Variants in NMRAL1 observed in about 807,000 individuals in gnomAD.
NMRAL1 encodes the protein nmrA-like family domain-containing protein 1.
In NMRAL1, 32 loss-of-function variants were observed where a neutral mutation model predicts 27.5. The observed-to-expected ratio is 1.16, with a 90% CI of 0.88 to 1.56. The LOEUF is 1.56. Ranked by LOEUF, NMRAL1 falls within the 40% of genes most tolerant of loss-of-function variation. NMRAL1 has a pLI of 0.00. For synonymous variants in NMRAL1, 166 were observed against 166.8 expected (o/e 1.00, Z 0.04); for missense variants, 420 against 392.0 (o/e 1.07, Z -0.60).
At chr16:4,465,600 CTT>C (rs1433427473) in intron 4 of NMRAL1, among the ~76,000 whole-genome samples, 3 of 152,006 alleles carry the variant, frequency 2.0e-5, no homozygotes, top group Non-Finnish European at 2.9e-5. Context: ...GAGTGTTGCT[CTT>C]GTCGCCTAGG....
intron 3 of NMRAL1, 26 bp from the exon 4 acceptor site, chr16:4,466,428 C>G: frequency 1.2e-6 from 2 of 1,605,910 alleles, no homozygotes; most frequent in Non-Finnish European, 8.5e-7. Context: ...GGAGAGATCA[C>G]AAGGCTCAGA....
At chr16:4,476,288 C>T (rs758625265), upstream of NMRAL1, 15 of 152,328 alleles carry the variant, frequency 9.8e-5, no homozygotes. Context: ...GGGAAAGCCA[C>T]ATACTCCGCT....
intron 2 of NMRAL1, chr16:4,469,772 C>T (rs1409199824): frequency 1.8e-5 from 6 of 342,184 alleles, no homozygotes; most frequent in African/African-American, 6.3e-5. Flanking sequence ...GAGGCTGAGG[C>T]ACGAGAATTG....
Position 4,473,980 on chromosome 16 carries a change from AC to A in NMRAL1, c.40+112del, listed in dbSNP as rs2141473858. The A allele has an allele frequency of 5.3e-6, 4 of 759,876 alleles. No individual in the cohort carries two copies. In the Admixed American group the frequency reaches 7.8e-5, roughly 15 times the overall value. The allele number at this position is 759,876 out of a possible 1,614,324, so 47.1% of individuals were successfully genotyped here. On this transcript the variant is annotated intron_variant, in intron 2 of 5. Transcript: ENST00000283429. The stretch of plus-strand genomic sequence containing the variant: ...CCTCGTTCCTGCGACCACAGCCCCA[AC>A]CTGGGTCGGGGGTCCCAGTGACCTT...
chr16:4,464,646 G>A lies in NMRAL1; in HGVS notation c.530-796C>T, dbSNP rs1301251468. ...TTTTTTTTTTTTGAGATGGAGTCTC[G>A]CTCTGTCGCCCAGGCTGGAGTGCAG... On this transcript the variant is annotated intron_variant, in intron 4 of 5. Coordinates refer to ENST00000283429, the MANE Select transcript of NMRAL1 (RefSeq NM_020677.6). 2.2e-5 allele frequency among the ~76,000 whole-genome samples: 3 copies of A among 137,040 alleles called. No homozygotes were observed. In the East Asian group the frequency reaches 6.2e-4, roughly 28 times the overall value. 89.9% of individuals were successfully genotyped at this position (137,040 alleles called of 152,430 possible).
chr16:4,474,109 C>G lies in NMRAL1; in HGVS notation c.24G>C (p.Val8=), dbSNP rs1223057544. Residue 8 remains valine, a synonymous_variant, in exon 2 of 6, where the codon GTG becomes GTC. Transcript: ENST00000283429. MVDKKLV[V]VFGGTGAQGG... ...TTGGCTCACCTGTGCCTCCGAAAACCACCACCAGTTTCTTGTCCACCATGA... is the reference window on the plus strand; with the variant it reads ...TTGGCTCACCTGTGCCTCCGAAAACGACCACCAGTTTCTTGTCCACCATGA... The G allele has an allele frequency of 6.2e-7, 1 of 1,612,512 alleles. No individual in the cohort carries two copies. Among genetic ancestry groups the G allele is most frequent in the African/African-American group, 1.3e-5 (1 of 75,022 alleles).
intron 1 of NMRAL1, 49 bp from the exon 2 acceptor site, chr16:4,474,215 C>T: frequency 7.1e-7 from 1 of 1,415,032 alleles, no homozygotes; most frequent in Non-Finnish European, 9.8e-7. Context: ...GGGGTTCCCG[C>T]CAGGAGCGAC....
At chr16:4,476,283 AGCCACATACTCCG>A (rs1346126182), upstream of NMRAL1, 1 of 152,314 alleles carries the variant, frequency 6.6e-6, no homozygotes, top group Non-Finnish European at 1.5e-5. Flanking sequence ...ACCTGGGGAA[AGCCACATACTCCG>A]CTTCCCGCCC....
chr16:4,466,299 G>A lies in NMRAL1; in HGVS notation c.383C>T (p.Ala128Val), dbSNP rs764619180. 13 of 1,613,888 alleles carry A rather than the reference G, an allele frequency of 8.1e-6. No homozygotes were observed. In the South Asian group the frequency reaches 1.3e-4, roughly 16 times the overall value. Residue 128 changes from alanine to valine, a missense_variant, in exon 4 of 6, where the codon GCG (alanine) becomes GTG (valine). Coordinates refer to ENST00000283429, the MANE Select transcript of NMRAL1 (RefSeq NM_020677.6). ...CACCTCCCCTTTGCCGTCAAAGTGC[G>A]CGGCGGCCAATCTCCCTGCCGTCAG... ...KKLTAGRLAA[A>V]HFDGKGEVEE...
chr16:4,466,480 CCCGGAGCGG>C, intron 3 of NMRAL1, 78 bp from the exon 4 acceptor site: 1 of 1,469,574 alleles, frequency 6.8e-7, no homozygotes, highest in Non-Finnish European at 9.3e-7. Context: ...GCATTCTAAT[CCCGGAGCGG>C]CCACCATCTG....
At chr16:4,466,722 T>G (rs556187792) in intron 3 of NMRAL1, 1 of 337,030 alleles carries the variant, frequency 3.0e-6, no homozygotes, top group Non-Finnish European at 5.6e-6. Flanking sequence ...TCTGCTGGTG[T>G]GAGAACACCC....
intron 1 of NMRAL1, 116 bp downstream of exon 1, chr16:4,474,438 T>TG (rs1010516108): frequency 4.8e-5 from 19 of 397,732 alleles, no homozygotes; most frequent in Non-Finnish European, 7.4e-5. Flanking sequence ...CGCCGCGGCC[T>TG]GGGCGGGACA....
intron 2 of NMRAL1, among the ~76,000 whole-genome samples, chr16:4,472,717 C>T (rs2057616461): frequency 6.9e-6 from 1 of 144,906 alleles, no homozygotes; most frequent in African/African-American, 2.7e-5. Context: ...GCACTGCTGC[C>T]TGGGCAACAG....
At chr16:4,474,414 T>G in intron 1 of NMRAL1, 140 bp downstream of exon 1, 1 of 447,638 alleles carries the variant, frequency 2.2e-6, no homozygotes. Flanking sequence ...TCCCACCGGC[T>G]GGAGTGACCT....
At chr16:4,475,060 T>C, upstream of NMRAL1, among the ~76,000 whole-genome samples, 1 of 152,120 alleles carries the variant, frequency 6.6e-6, no homozygotes, top group East Asian at 1.9e-4. Flanking sequence ...CAAGAGATTC[T>C]CCTGCCTCAG....
At chr16:4,463,372 C>T (rs998199545) in intron 5 of NMRAL1, 2 of 493,512 alleles carry the variant, frequency 4.1e-6, no homozygotes, top group Non-Finnish European at 3.5e-6. Flanking sequence ...CTTCAAATTC[C>T]CTCCCACAGA....
At chr16:4,474,016 T>C (rs2057712233) in intron 2 of NMRAL1, 77 bp downstream of exon 2, 8 of 1,207,688 alleles carry the variant, frequency 6.6e-6, no homozygotes, top group Non-Finnish European at 9.7e-6. Flanking sequence ...TACCCCTCCC[T>C]GCAGACCCCA....
intron 5 of NMRAL1, chr16:4,463,285 C>A: frequency 3.3e-6 from 1 of 302,572 alleles, no homozygotes; most frequent in South Asian, 4.8e-5. Flanking sequence ...GGGGTCGGCC[C>A]TATCTTTCTA....
Position 4,464,915 on chromosome 16 carries a change from C to CT in NMRAL1, c.530-1066dup, listed in dbSNP as rs543837170. On this transcript the variant is annotated intron_variant, in intron 4 of 5. Transcript: ENST00000283429. Reference sequence around the variant, plus strand: ...ACAGGCGTAAGCCACCGTGCCCGGCCTTTTTTTTTTGAGACGGGGTCTTGC... The same window carrying CT: ...ACAGGCGTAAGCCACCGTGCCCGGCCTTTTTTTTTTTGAGACGGGGTCTTGC... Among the ~76,000 whole-genome samples the CT allele has an allele frequency of 6.7e-4, 91 of 136,596 alleles. 3 individuals are homozygous for CT. In the South Asian group the frequency reaches 0.018, roughly 27 times the overall value. The allele number at this position is 136,596 out of a possible 152,430, so 89.6% of individuals were successfully genotyped here.
Sources: allele counts gnomAD v4.1 joint callset (sites outside exome capture counted in the v4.1 genomes callset), GRCh38; gene constraint gnomAD v4.1.1; transcripts MANE v1.5; gene names NCBI Gene and HGNC (gene_info 2026-07-23, HGNC 2026-07-21).